RBFOX1: variants seen among roughly 807,000 people sequenced by gnomAD.
RBFOX1 encodes RNA binding fox-1 homolog 1.
A neutral mutation model predicts 57.7 loss-of-function variants in RBFOX1; 8 were observed. The observed-to-expected ratio is 0.14, with a 90% confidence interval of 0.08 to 0.25. The LOEUF (loss-of-function observed/expected upper bound fraction) is 0.25. Among genes scored for constraint, RBFOX1 ranks in the 10% least tolerant of loss-of-function variants. The pLI is 1.00. For synonymous variants in RBFOX1, 326 were observed against 222.4 expected (o/e 1.47, Z -4.15); for missense variants, 611 against 548.5 (o/e 1.11, Z -1.14).
intron 2 of RBFOX1, among the ~76,000 whole-genome samples, chr16:5,530,772 G>C (rs2044435115): frequency 6.6e-6 from 1 of 151,876 alleles, no homozygotes; most frequent in Non-Finnish European, 1.5e-5. Flanking sequence ...GAGAAGCACT[G>C]CTCTAGGGGA....
chr16:6,872,938 C>T (rs1452777726), intron 3 of RBFOX1, among the ~76,000 whole-genome samples: 1 of 152,140 alleles, frequency 6.6e-6, no homozygotes. Flanking sequence ...GACACTTGCT[C>T]TGTTTTACTT....
At chr16:6,262,846 GC>G (rs2097709357) in intron 1 of RBFOX1, among the ~76,000 whole-genome samples, 1 of 152,122 alleles carries the variant, frequency 6.6e-6, no homozygotes, top group Non-Finnish European at 1.5e-5. Context: ...GGGCAACAAG[GC>G]AGGCCATCTC....
chr16:5,438,525 C>T (rs1005088553), intron 1 of RBFOX1, among the ~76,000 whole-genome samples: 13 of 152,182 alleles, frequency 8.5e-5, no homozygotes, highest in African/African-American at 2.9e-4. Context: ...ACCAGATATG[C>T]CCCCTGTTCT....
chr16:6,140,262 G>A (rs553217894), intron 1 of RBFOX1, among the ~76,000 whole-genome samples: 1 of 151,350 alleles, frequency 6.6e-6, no homozygotes, highest in South Asian at 2.1e-4. Flanking sequence ...CTCAATCTTG[G>A]CTCACTGCAG....
intron 10 of RBFOX1, among the ~76,000 whole-genome samples, chr16:7,609,616 C>A (rs1205722265): frequency 6.6e-6 from 1 of 152,108 alleles, no homozygotes; most frequent in African/African-American, 2.4e-5. Context: ...CAGCACTGTT[C>A]TAAGCACTGT....
At chr16:6,356,329 CATTA>C (rs1230325913) in intron 2 of RBFOX1, among the ~76,000 whole-genome samples, 1 of 152,192 alleles carries the variant, frequency 6.6e-6, no homozygotes, top group African/African-American at 2.4e-5. Flanking sequence ...CAGCATGTCA[CATTA>C]ATTGTTGGTA....
At chr16:5,899,022 G>A (rs1443380986) in intron 4 of RBFOX1, among the ~76,000 whole-genome samples, 1 of 151,528 alleles carries the variant, frequency 6.6e-6, no homozygotes, top group Non-Finnish European at 1.5e-5. Flanking sequence ...TTGGTTTGCA[G>A]TGAGCCTCAC....
chr16:7,210,093 G>C (rs1234317795), intron 4 of RBFOX1, among the ~76,000 whole-genome samples: 1 of 152,214 alleles, frequency 6.6e-6, no homozygotes, highest in African/African-American at 2.4e-5. Flanking sequence ...CATCTTTGCA[G>C]TGTGTGCATT....
chr16:6,352,225 A>G (rs545145103), intron 2 of RBFOX1, among the ~76,000 whole-genome samples: 1 of 152,228 alleles, frequency 6.6e-6, no homozygotes, highest in Admixed American at 6.5e-5. Context: ...CTTATCTGGA[A>G]TGTTGTGTAT....
intron 3 of RBFOX1, among the ~76,000 whole-genome samples, chr16:6,696,422 A>G (rs1879225890): frequency 6.6e-6 from 1 of 152,170 alleles, no homozygotes; most frequent in African/African-American, 2.4e-5. Flanking sequence ...CTAGTGAAAA[A>G]TGCTTTTTCA....
intron 4 of RBFOX1, among the ~76,000 whole-genome samples, chr16:7,127,032 A>T (rs928929162): frequency 6.7e-6 from 1 of 148,622 alleles, no homozygotes; most frequent in African/African-American, 2.5e-5. Flanking sequence ...AAAAAAAATT[A>T]TTGCAGACCT....
chr16:7,034,837 TTTTCTTTTTTC>T (rs1455174365), intron 3 of RBFOX1, among the ~76,000 whole-genome samples: 5 of 94,950 alleles, frequency 5.3e-5, no homozygotes, highest in Admixed American at 1.1e-4. Flanking sequence ...CTTTTTTTTT[TTTTCTTTTTTC>T]TTTTTTTTTT....
intron 4 of RBFOX1, among the ~76,000 whole-genome samples, chr16:7,265,236 G>C (rs1168166527): frequency 6.6e-6 from 1 of 151,702 alleles, no homozygotes; most frequent in East Asian, 2.0e-4. Flanking sequence ...TTGCAGATCT[G>C]GATACTGGAA....
At chr16:7,292,791 CTA>C (rs1391103250) in intron 4 of RBFOX1, among the ~76,000 whole-genome samples, 3 of 151,962 alleles carry the variant, frequency 2.0e-5, no homozygotes, top group East Asian at 1.9e-4. Flanking sequence ...GAAGGAAATG[CTA>C]TGTTTTCATC....
chr16:5,984,976 ATTTTTT>A (rs869160414), intron 4 of RBFOX1, among the ~76,000 whole-genome samples: 30 of 55,694 alleles, frequency 5.4e-4, no homozygotes, highest in African/African-American at 2.1e-3. Flanking sequence ...ATATATATAT[ATTTTTT>A]TTTTTTTTTT....
chr16:5,500,763 T>C (rs7193032), intron 2 of RBFOX1, among the ~76,000 whole-genome samples: 45,666 of 152,134 alleles, frequency 0.3, 12,862 homozygotes, highest in African/African-American at 0.75. Context: ...TCCATAAGCT[T>C]TTTGCGTGGT....
intron 4 of RBFOX1, among the ~76,000 whole-genome samples, chr16:7,516,206 A>T (rs1217766786): frequency 6.6e-6 from 1 of 152,078 alleles, no homozygotes; most frequent in Non-Finnish European, 1.5e-5. Context: ...ATCACCGTGG[A>T]AAGAGAACTT....
At chr16:7,267,675 C>G (rs145685946) in intron 4 of RBFOX1, among the ~76,000 whole-genome samples, 5,879 of 152,046 alleles carry the variant, frequency 0.039, 162 homozygotes, top group East Asian at 0.13. Flanking sequence ...GCCAACATGG[C>G]AAAACCCCAT....
intron 3 of RBFOX1, among the ~76,000 whole-genome samples, chr16:5,816,357 T>G (rs1865821): frequency 0.73 from 110,227 of 152,004 alleles, 40,260 homozygotes; most frequent in African/African-American, 0.81. Flanking sequence ...ATTCTTACTG[T>G]CTGAAGCAGC....
Sources: gnomAD v4.1 joint callset for allele counts (sites outside exome capture counted in the v4.1 genomes callset) on GRCh38, gnomAD v4.1.1 for gene constraint, MANE v1.5 for transcripts, NCBI Gene and HGNC (gene_info 2026-07-23, HGNC 2026-07-21) for gene names.